Variants in CLDND2 observed in about 807,000 individuals in gnomAD.
The protein encoded by CLDND2 is claudin domain containing 2.
Under a neutral mutation model 17.7 loss-of-function variants are expected in CLDND2, and 18 were observed. That is an observed-to-expected ratio of 1.02 (90% CI 0.70 to 1.51). The LOEUF is 1.51. Ranked by LOEUF, CLDND2 falls within the 40% of genes most tolerant of loss-of-function variation. The pLI, the probability that CLDND2 is intolerant of heterozygous loss-of-function variation, is 0.00. For missense variants in CLDND2, 233 were observed against 219.6 expected (o/e 1.06, Z -0.39); for synonymous variants, 113 against 93.0 (o/e 1.22, Z -1.24).
chr19:51,367,723 C>T lies in CLDND2; in HGVS notation c.311-147G>A. On this transcript the variant is annotated intron_variant, in intron 2 of 3. Coordinates refer to ENST00000291715, the MANE Select transcript of CLDND2 (RefSeq NM_152353.3). The surrounding 1 kb of genome is among the most constrained non-coding windows in gnomAD (Gnocchi z 7.4). ...GGCCCAGGCCCCTTCCTGCTCCTCC[C>T]GCTCTGAACTCTGTCTCGAGCCCCG... 1 of 1,479,768 alleles carries T rather than the reference C, an allele frequency of 6.8e-7. No individual in the cohort carries two copies. The highest frequency in any genetic ancestry group is 9.0e-7 in the Non-Finnish European group (1 of 1,117,274). The allele number at this position is 1,479,768 out of a possible 1,614,324, so 91.7% of individuals were successfully genotyped here.
rs1302301263 is a variant in CLDND2 at position 51,368,045 on chromosome 19, T to C, written c.170-19A>G. 6.3e-7 allele frequency: 1 copy of C among 1,589,744 alleles called. No homozygotes were observed. Among genetic ancestry groups the C allele is most frequent in the Non-Finnish European group, 8.5e-7 (1 of 1,170,046 alleles). On this transcript the variant is annotated intron_variant, in intron 1 of 3. Transcript: ENST00000291715. ...AGCGTGGCTGGGGAGAGCGGGCGCA[T>C]CAGCCCCCGCGGGCGCCGCCCCAGT... is the stretch of plus-strand genomic sequence containing the variant.
In CLDND2 at chr19:51,367,355, C is replaced by T. The variant is rs1438967759; in HGVS notation, c.430+102G>A. 2.9e-6 allele frequency: 4 copies of T among 1,382,160 alleles called. No homozygotes were observed. The highest frequency in any genetic ancestry group is 4.0e-6 in the Non-Finnish European group (4 of 992,034). The allele number at this position is 1,382,160 out of a possible 1,614,324, so 85.6% of individuals were successfully genotyped here. On this transcript the variant is annotated intron_variant, in intron 3 of 3. Coordinates refer to ENST00000291715, the MANE Select transcript of CLDND2 (RefSeq NM_152353.3). The surrounding 1 kb of genome is among the most constrained non-coding windows in gnomAD (Gnocchi z 7.4). Reference sequence around the variant, plus strand: ...GGAGTCGTTAGTGTGTTGGGGAGTCCCCGAGAGGTCCCCGGGGTTTCCTGG... The same window carrying T: ...GGAGTCGTTAGTGTGTTGGGGAGTCTCCGAGAGGTCCCCGGGGTTTCCTGG...
At position 51,368,878 on chromosome 19, in the gene CLDND2, C is replaced by G. The variant is rs560454877; in HGVS notation, c.-301G>C. 14 of 320,524 alleles carry G rather than the reference C, an allele frequency of 4.4e-5. No homozygotes were observed. The highest frequency in any genetic ancestry group is 9.3e-5 in the Admixed American group (2 of 21,562). 19.9% of individuals were successfully genotyped at this position (320,524 alleles called of 1,614,324 possible). ...AACCTGTCTTCCCAGAGACCTCCCC[C>G]GACAGCCGAACGCCCTTTCAGCCCA... is the stretch of plus-strand genomic sequence containing the variant. On this transcript the variant is annotated 5_prime_UTR_variant, in exon 1 of 4. Coordinates refer to ENST00000291715, the MANE Select transcript of CLDND2 (RefSeq NM_152353.3).
At position 51,367,866 on chromosome 19, in the gene CLDND2, G is replaced by T. The variant is rs768649372; in HGVS notation, c.310+20C>A. On this transcript the variant is annotated intron_variant, in intron 2 of 3. Transcript: ENST00000291715. The surrounding 1 kb of genome is among the most constrained non-coding windows in gnomAD (Gnocchi z 7.4). ...AGGGCCCGCCCCTGCCTGCCCGCCT[G>T]GGGCGGTCTGCAGTCTCACCGCCGA... 1 of 1,606,738 alleles carries T rather than the reference G, an allele frequency of 6.2e-7. No homozygotes were observed. The highest frequency in any genetic ancestry group is 8.5e-7 in the Non-Finnish European group (1 of 1,178,964).
Position 51,368,407 on chromosome 19 carries a change from A to C in CLDND2, c.169+2T>G. 2 of 1,609,954 alleles carry C rather than the reference A, an allele frequency of 1.2e-6. No individual in the cohort carries two copies. Among genetic ancestry groups the C allele is most frequent in the Non-Finnish European group, 8.5e-7 (1 of 1,178,746 alleles). On this transcript the variant is annotated splice_donor_variant, in intron 1 of 3. Transcript: ENST00000291715. LOFTEE classifies it high-confidence loss of function. The stretch of plus-strand genomic sequence containing the variant: ...CTGACATCTGGGCGGGCGGAGCCTC[A>C]CTCTGGCAGGGGATGCTGGAGCAGA...
At position 51,368,672 on chromosome 19, in the gene CLDND2, C is replaced by A; in HGVS notation, c.-95G>T. On this transcript the variant is annotated 5_prime_UTR_variant, in exon 1 of 4. Transcript: ENST00000291715. Reference sequence around the variant, plus strand: ...AGCTGAGGAGCCCGCTTCCTCCACACTCCTCCCCTGGTACTCCTGCCTGAG... The same window carrying A: ...AGCTGAGGAGCCCGCTTCCTCCACAATCCTCCCCTGGTACTCCTGCCTGAG... 2.7e-6 allele frequency: 3 copies of A among 1,105,858 alleles called. No homozygotes were observed. The highest frequency in any genetic ancestry group is 3.8e-6 in the Non-Finnish European group (3 of 787,568). The allele number at this position is 1,105,858 out of a possible 1,614,324, so 68.5% of individuals were successfully genotyped here.
At position 51,368,604 on chromosome 19, in the gene CLDND2, CAAGGGCAGGATGGG is replaced by C; in HGVS notation, c.-41_-28del. 1 of 1,604,362 alleles carries C rather than the reference CAAGGGCAGGATGGG, an allele frequency of 6.2e-7. No homozygotes were observed. Among genetic ancestry groups the C allele is most frequent in the Non-Finnish European group, 8.5e-7 (1 of 1,176,308 alleles). On this transcript the variant is annotated 5_prime_UTR_variant, in exon 1 of 4. Transcript: ENST00000291715. ...CCACTGAGGCTGCAGCCGGGGGCCA[CAAGGGCAGGATGGG>C]CCCAGGCCTTTCCTACCCCGAGGCC... is the stretch of plus-strand genomic sequence containing the variant.
Position 51,367,437 on chromosome 19 carries a change from C to T in CLDND2, c.430+20G>A. ...TCTTCTGGGCAGTCTCCTCCACCCTCTTCCCGCTGTCCAGTTTACCCGCGA... is the reference window on the plus strand; with the variant it reads ...TCTTCTGGGCAGTCTCCTCCACCCTTTTCCCGCTGTCCAGTTTACCCGCGA... On this transcript the variant is annotated intron_variant, in intron 3 of 3. Transcript: ENST00000291715. This position sits in a 1 kb window ranked among gnomAD's most constrained non-coding sequence, Gnocchi z 7.4. The T allele has an allele frequency of 6.3e-7, 1 of 1,587,602 alleles. No individual in the cohort carries two copies. Among genetic ancestry groups the T allele is most frequent in the African/African-American group, 1.3e-5 (1 of 74,672 alleles).
chr19:51,368,068 A>G, intron 1 of CLDND2, 42 bp from the exon 2 acceptor site: 1 of 1,556,586 alleles, frequency 6.4e-7, no homozygotes, highest in South Asian at 1.2e-5. Flanking sequence ...GCGCCGCCCC[A>G]GTCACTACGG....
At chr19:51,368,345 G>T (rs930111501) in intron 1 of CLDND2, 64 bp downstream of exon 1, 165 of 1,532,308 alleles carry the variant, frequency 1.1e-4, no homozygotes, top group Non-Finnish European at 1.4e-4. Flanking sequence ...CATGGGCCCA[G>T]CTGTGTGTCC....
chr19:51,367,783 C>G lies in CLDND2; in HGVS notation c.310+103G>C, dbSNP rs1287102451. The G allele has an allele frequency of 1.3e-5, 20 of 1,499,618 alleles. No homozygotes were observed. The highest frequency in any genetic ancestry group is 1.7e-5 in the Non-Finnish European group (19 of 1,128,310). 92.9% of individuals were successfully genotyped at this position (1,499,618 alleles called of 1,614,324 possible). On this transcript the variant is annotated intron_variant, in intron 2 of 3. Coordinates refer to ENST00000291715, the MANE Select transcript of CLDND2 (RefSeq NM_152353.3). This position sits in a 1 kb window ranked among gnomAD's most constrained non-coding sequence, Gnocchi z 7.4. ...CTCGGCTTCTTCCAGCCCTGCCCCT[C>G]GGATCCTGGCCGAGTACCTCAAGCC...
chr19:51,368,269 G>T, intron 1 of CLDND2, 140 bp downstream of exon 1: 1 of 1,124,598 alleles, frequency 8.9e-7, no homozygotes, highest in Non-Finnish European at 1.3e-6. Context: ...GGCGGGGTTC[G>T]TGGCGGCCTC....
In CLDND2 at chr19:51,367,320, C is replaced by T. The variant is rs1302899379; in HGVS notation, c.431-105G>A. 3 of 1,398,406 alleles carry T rather than the reference C, an allele frequency of 2.1e-6. No individual in the cohort carries two copies. The highest frequency in any genetic ancestry group is 3.0e-6 in the Non-Finnish European group (3 of 999,620). 86.6% of individuals were successfully genotyped at this position (1,398,406 alleles called of 1,614,324 possible). On this transcript the variant is annotated intron_variant, in intron 3 of 3. Coordinates refer to ENST00000291715, the MANE Select transcript of CLDND2 (RefSeq NM_152353.3). The surrounding 1 kb of genome is among the most constrained non-coding windows in gnomAD (Gnocchi z 7.4). The stretch of plus-strand genomic sequence containing the variant: ...TTTGGGGCTCCAAGGGGGTCTCTGC[C>T]GGGTCTGCGGGAGTCGTTAGTGTGT...
In CLDND2 at chr19:51,367,219, G is replaced by T; in HGVS notation, c.431-4C>A. 1 of 1,614,128 alleles carries T rather than the reference G, an allele frequency of 6.2e-7. No individual in the cohort carries two copies. The highest frequency in any genetic ancestry group is 1.1e-5 in the South Asian group (1 of 91,080). On this transcript the variant is annotated splice_polypyrimidine_tract_variant and splice_region_variant and intron_variant, in intron 3 of 3. Transcript: ENST00000291715. The surrounding 1 kb of genome is among the most constrained non-coding windows in gnomAD (Gnocchi z 7.4). ...TCTGCCAGCAGAAAGCAGAAGCCTG[G>T]GGGGACGGGGGTGCGGAGCAGGGAG...
At chr19:51,368,359 G>A in intron 1 of CLDND2, 50 bp downstream of exon 1, 7 of 1,561,880 alleles carry the variant, frequency 4.5e-6, no homozygotes, top group Non-Finnish European at 6.1e-6. Flanking sequence ...TGTGTCCCGA[G>A]CCCTGGGGGT....
In CLDND2 at chr19:51,367,891, A is replaced by G; in HGVS notation, c.305T>C (p.Leu102Pro). 1.2e-6 allele frequency: 2 copies of G among 1,610,892 alleles called. No homozygotes were observed. Among genetic ancestry groups the G allele is most frequent in the Non-Finnish European group, 1.7e-6 (2 of 1,179,666 alleles). Residue 102 changes from leucine (L) to proline (P), a missense_variant, in exon 2 of 4, where the codon CTC becomes CCC. By Grantham distance (98) the Leu-to-Pro change is moderately conservative (BLOSUM62 -3). Coordinates refer to ENST00000291715, the MANE Select transcript of CLDND2 (RefSeq NM_152353.3). The surrounding 1 kb of genome is among the most constrained non-coding windows in gnomAD (Gnocchi z 7.4). Reference sequence around the variant, plus strand: ...GGGGCGGTCTGCAGTCTCACCGCCGAGGAAGAGGAAGGCGCTCGTGGTCTG... The same window carrying G: ...GGGGCGGTCTGCAGTCTCACCGCCGGGGAAGAGGAAGGCGCTCGTGGTCTG... ...RGQTTSAFLFLGGLLLLTALI... is the reference protein window; with the variant it reads ...RGQTTSAFLFPGGLLLLTALI...
In CLDND2 at chr19:51,367,360, G is replaced by T. The variant is rs1265917148; in HGVS notation, c.430+97C>A. On this transcript the variant is annotated intron_variant, in intron 3 of 3. Transcript: ENST00000291715. This position sits in a 1 kb window ranked among gnomAD's most constrained non-coding sequence, Gnocchi z 7.4. ...CGTTAGTGTGTTGGGGAGTCCCCGA[G>T]AGGTCCCCGGGGTTTCCTGGGAGGG... 1 of 1,393,962 alleles carries T rather than the reference G, an allele frequency of 7.2e-7. No homozygotes were observed. The highest frequency in any genetic ancestry group is 1.0e-6 in the Non-Finnish European group (1 of 1,002,046). The allele number at this position is 1,393,962 out of a possible 1,614,324, so 86.3% of individuals were successfully genotyped here.
chr19:51,367,209 C>G lies in CLDND2; in HGVS notation c.437G>C (p.Cys146Ser). 6.2e-7 allele frequency: 1 copy of G among 1,614,180 alleles called. No homozygotes were observed. Among genetic ancestry groups the G allele is most frequent in the Non-Finnish European group, 8.5e-7 (1 of 1,180,022 alleles). Residue 146 changes from cysteine to serine, a missense_variant, in exon 4 of 4, where the codon TGC becomes TCC. Transcript: ENST00000291715. The surrounding 1 kb of genome is among the most constrained non-coding windows in gnomAD (Gnocchi z 7.4). ...CATGATCATGTCTGCCAGCAGAAAGCAGAAGCCTGGGGGGACGGGGGTGCG... is the reference window on the plus strand; with the variant it reads ...CATGATCATGTCTGCCAGCAGAAAGGAGAAGCCTGGGGGGACGGGGGTGCG... ...ALPFSILAGF[C>S]FLLADMIMQS...
downstream of CLDND2, chr19:51,367,059 C>T: frequency 1.5e-6 from 2 of 1,322,392 alleles, no homozygotes; most frequent in Non-Finnish European, 2.2e-6. This position sits in a 1 kb window ranked among gnomAD's most constrained non-coding sequence, Gnocchi z 7.4. Flanking sequence ...CCCGTGCCTG[C>T]GTCCCCACGA....
Sources: allele counts gnomAD v4.1 joint callset, GRCh38; gene constraint gnomAD v4.1.1; non-coding constraint Gnocchi (gnomAD v3.1); transcripts MANE v1.5; gene names NCBI Gene and HGNC (gene_info 2026-07-23, HGNC 2026-07-21).